QKI: variants seen among roughly 807,000 people sequenced by gnomAD.
The protein encoded by QKI is KH domain-containing RNA-binding protein QKI.
Under a neutral mutation model 39.0 loss-of-function variants are expected in QKI, and 10 were observed. The ratio of observed to expected loss-of-function variants is 0.26; its 90% CI spans 0.16 to 0.43. The LOEUF is 0.43. Among genes scored for constraint, QKI ranks in the 20% least tolerant of loss-of-function variants. The pLI is 1.00. For missense variants in QKI, 218 were observed against 428.0 expected, an observed-to-expected ratio of 0.51 and a Z score of 4.33; for synonymous variants, 204 against 155.4, an observed-to-expected ratio of 1.31 and a Z score of -2.33.
At chr6:163,458,693 T>C (rs1267808773) in intron 2 of QKI, among the ~76,000 whole-genome samples, 1 of 152,162 alleles carries the variant, frequency 6.6e-6, no homozygotes, top group African/African-American at 2.4e-5. Flanking sequence ...CTATAGTCTG[T>C]AGCCCTTTGC....
chr6:163,450,426 TAA>T (rs1790472231), intron 1 of QKI, among the ~76,000 whole-genome samples: 1 of 152,034 alleles, frequency 6.6e-6, no homozygotes, highest in African/African-American at 2.4e-5. Context: ...TTGGATACAG[TAA>T]AAGAGTAGTG....
chr6:163,462,142 G>A (rs1791402214), intron 2 of QKI, among the ~76,000 whole-genome samples: 2 of 152,126 alleles, frequency 1.3e-5, no homozygotes, highest in African/African-American at 4.8e-5. Flanking sequence ...TTATCTTAGA[G>A]ACAAGGTTTC....
Position 163,432,002 on chromosome 6 carries a change from TG to T in QKI, c.142+16670del, listed in dbSNP as rs1157879730. On this transcript the variant is annotated intron_variant, in intron 1 of 7. Transcript: ENST00000361752. ...CAGGCATGTTAGATCATTTGGCTCT[TG>T]GGACAGAAATATATTTAAGTTACAT... Among the ~76,000 whole-genome samples the T allele has an allele frequency of 7.9e-5, 12 of 152,296 alleles. No individual in the cohort carries two copies. In the East Asian group the frequency reaches 1.9e-3, roughly 24 times the overall value.
In QKI at chr6:163,419,500, C is replaced by G. The variant is rs771482563; in HGVS notation, c.142+4165C>G. On this transcript the variant is annotated intron_variant, in intron 1 of 7. Transcript: ENST00000361752. ...GGTGAAATAATCTGTTCTTTAGAAACTAAGATATTGCTTTTGTACACAGTC... is the reference window on the plus strand; with the variant it reads ...GGTGAAATAATCTGTTCTTTAGAAAGTAAGATATTGCTTTTGTACACAGTC... Among the ~76,000 whole-genome samples, 113 of 152,092 alleles carry G rather than the reference C, an allele frequency of 7.4e-4. 1 individual carries two copies. The highest frequency in any genetic ancestry group is 1.3e-3 in the Non-Finnish European group (89 of 67,962).
intron 6 of QKI, 130 bp downstream of exon 6, chr6:163,563,849 ATTTTG>A (rs1783185968): frequency 6.9e-7 from 1 of 1,453,516 alleles, no homozygotes; most frequent in South Asian, 1.5e-5. Context: ...CGAAAACTAA[ATTTTG>A]TTTTATTTCA....
rs552946502 is a variant in QKI at position 163,505,176 on chromosome 6, G to C, written c.402+26280G>C. Among the ~76,000 whole-genome samples the C allele has an allele frequency of 7.2e-5, 11 of 152,282 alleles. 1 individual carries two copies. The South Asian group carries it at 2.3e-3, about 32-fold the overall frequency. On this transcript the variant is annotated intron_variant, in intron 3 of 7. Coordinates refer to ENST00000361752, the MANE Select transcript of QKI (RefSeq NM_006775.3). ...TTTGAGAATCTTTGCCTAGATTTCAGAGAAAGTATGGAAACGCCTGGATGT... is the reference window on the plus strand; with the variant it reads ...TTTGAGAATCTTTGCCTAGATTTCACAGAAAGTATGGAAACGCCTGGATGT...
chr6:163,483,654 C>T (rs377103141), intron 3 of QKI, among the ~76,000 whole-genome samples: 3 of 152,182 alleles, frequency 2.0e-5, no homozygotes, highest in Admixed American at 6.5e-5. Flanking sequence ...ACTTCTAATT[C>T]TAGTTCTCTT....
At chr6:163,471,566 G>GTTT in intron 2 of QKI, among the ~76,000 whole-genome samples, 1 of 152,128 alleles carries the variant, frequency 6.6e-6, no homozygotes, top group African/African-American at 2.4e-5. Context: ...ATGGGAAAAG[G>GTTT]GTAAAAGTAC....
At chr6:163,497,038 A>G (rs1411082348) in intron 3 of QKI, among the ~76,000 whole-genome samples, 2 of 152,180 alleles carry the variant, frequency 1.3e-5, no homozygotes, top group South Asian at 2.1e-4. Flanking sequence ...CATACCTGCC[A>G]TGTAGTTGGT....
intron 4 of QKI, among the ~76,000 whole-genome samples, chr6:163,559,950 G>A (rs927780443): frequency 4.6e-5 from 7 of 152,152 alleles, no homozygotes; most frequent in Admixed American, 3.9e-4. Context: ...ACTGGGATTC[G>A]ATGATACATA....
At chr6:163,565,174 C>T (rs1783279862) in intron 6 of QKI, 16 of 991,200 alleles carry the variant, frequency 1.6e-5, no homozygotes, top group Non-Finnish European at 1.9e-5. Flanking sequence ...TTGCACATTT[C>T]TTGAAGCATT....
chr6:163,569,784 A>T, intron 7 of QKI: 1 of 986,040 alleles, frequency 1.0e-6, no homozygotes, highest in Non-Finnish European at 1.2e-6. Context: ...GCAGAGTATT[A>T]GCTTTGAAAT....
At chr6:163,481,239 G>A (rs73784416) in intron 3 of QKI, among the ~76,000 whole-genome samples, 4,187 of 151,436 alleles carry the variant, frequency 0.028, 184 homozygotes, top group African/African-American at 0.095. Context: ...AGACATGTGT[G>A]TATATATATA....
chr6:163,543,167 C>A (rs973812209), intron 4 of QKI, among the ~76,000 whole-genome samples: 3 of 151,990 alleles, frequency 2.0e-5, no homozygotes, highest in Non-Finnish European at 4.4e-5. Flanking sequence ...TGATTTAGTT[C>A]TTTAACCAAA....
chr6:163,494,658 TTTTG>T (rs955990504), intron 3 of QKI, among the ~76,000 whole-genome samples: 2 of 62,188 alleles, frequency 3.2e-5, no homozygotes, highest in Non-Finnish European at 6.6e-5. Flanking sequence ...TGGGTTTTTT[TTTTG>T]TTTTTGTTGT....
At position 163,415,244 on chromosome 6, in the gene QKI, C is replaced by T. The variant is rs200474822; in HGVS notation, c.51C>T (p.Tyr17=). The T allele has an allele frequency of 1.1e-4, 180 of 1,598,694 alleles. No individual in the cohort carries two copies. Among genetic ancestry groups the T allele is most frequent in the Non-Finnish European group, 1.4e-4 (165 of 1,170,508 alleles). The part of the protein sequence containing the change: ...TKEKPKPTPD[Y]LMQLMNDKKL... ...AGAAGCCGAAGCCCACCCCAGATTA[C>T]CTGATGCAGCTGATGAACGACAAGA... The change falls in exon 1 of 8, where the codon TAC becomes TAT. Residue 17 remains tyrosine (Y), a synonymous_variant. Transcript: ENST00000361752.
intron 2 of QKI, among the ~76,000 whole-genome samples, chr6:163,465,951 C>G (rs1305819565): frequency 6.6e-6 from 1 of 151,774 alleles, no homozygotes; most frequent in East Asian, 1.9e-4. Flanking sequence ...TGGTGAAACC[C>G]TGTCTCTACA....
At chr6:163,420,948 T>G (rs936595673) in intron 1 of QKI, among the ~76,000 whole-genome samples, 2 of 152,200 alleles carry the variant, frequency 1.3e-5, no homozygotes, top group African/African-American at 4.8e-5. Flanking sequence ...ATTACTTTCT[T>G]GAAGGTGCCT....
intron 1 of QKI, among the ~76,000 whole-genome samples, chr6:163,426,030 T>A (rs1273705052): frequency 6.6e-6 from 1 of 152,230 alleles, no homozygotes; most frequent in Non-Finnish European, 1.5e-5. Flanking sequence ...AGATACATAT[T>A]TGTGTATCTT....
Sources: allele counts gnomAD v4.1 joint callset (sites outside exome capture counted in the v4.1 genomes callset), GRCh38; gene constraint gnomAD v4.1.1; transcripts MANE v1.5; gene names NCBI Gene and HGNC (gene_info 2026-07-23, HGNC 2026-07-21).